Variants in NXN observed in about 807,000 individuals in gnomAD.
NXN encodes the protein nucleoredoxin, also known as nucleoredoxin 1.
Under a neutral mutation model 48.6 loss-of-function variants are expected in NXN, and 16 were observed. That is an observed-to-expected ratio of 0.33 (90% confidence interval 0.22 to 0.50). NXN has a LOEUF of 0.50. NXN is among the 20% of genes least tolerant of loss of function. The probability of loss-of-function intolerance (pLI) is 0.98; values close to 1 mark genes in which losing one functional copy is unlikely to be tolerated. For synonymous variants in NXN, 281 were observed against 269.6 expected (o/e 1.04, Z -0.41); for missense variants, 492 against 605.5 (o/e 0.81, Z 1.97).
At chr17:949,733 C>G (rs1048608826) in intron 1 of NXN, among the ~76,000 whole-genome samples, 1 of 148,390 alleles carries the variant, frequency 6.7e-6, no homozygotes, top group Admixed American at 6.8e-5. Flanking sequence ...CTCCTCTCCC[C>G]GCGGGCCTCC....
chr17:813,379 G>A (rs1377656696), intron 5 of NXN, among the ~76,000 whole-genome samples: 2 of 152,252 alleles, frequency 1.3e-5, no homozygotes, highest in Non-Finnish European at 2.9e-5. Context: ...GGGCTCTGAA[G>A]GAGAAACGGC....
rs1226738307 is a variant in NXN, at chr17:955,156, CTCTT to C, written c.360+24159_360+24162del. 6.5e-3 allele frequency among the ~76,000 whole-genome samples: 971 copies of C among 148,900 alleles called. 9 individuals are homozygous for C. Among genetic ancestry groups the C allele is most frequent in the African/African-American group, 0.022 (878 of 40,126 alleles). ...TTTCCCTCTTTTCCAGCATGCTCATCTCTTTCTTTTTTTTTTTTTTTTTTTTCCT... is the reference window on the plus strand; with the variant it reads ...TTTCCCTCTTTTCCAGCATGCTCATCTCTTTTTTTTTTTTTTTTTTTTCCT... On this transcript the variant is annotated intron_variant, in intron 1 of 7. Coordinates refer to ENST00000336868, the MANE Select transcript of NXN (RefSeq NM_022463.5).
At chr17:901,483 C>A (rs1010570252) in intron 1 of NXN, among the ~76,000 whole-genome samples, 5 of 152,156 alleles carry the variant, frequency 3.3e-5, no homozygotes, top group African/African-American at 1.2e-4. Context: ...CTTCAGCTGC[C>A]CTGACCTCTG....
intron 1 of NXN, among the ~76,000 whole-genome samples, chr17:841,722 A>AC (rs1914333027): frequency 1.3e-5 from 2 of 151,238 alleles, no homozygotes; most frequent in African/African-American, 2.5e-5. Flanking sequence ...GTCCACCCTG[A>AC]CAAAGGAAAG....
At chr17:934,467 A>G (rs1167137544) in intron 1 of NXN, among the ~76,000 whole-genome samples, 1 of 151,338 alleles carries the variant, frequency 6.6e-6, no homozygotes, top group Non-Finnish European at 1.5e-5. Context: ...AAAAAAGTAC[A>G]ATAAGAAGAA....
At chr17:955,668 G>A (rs1381809976) in intron 1 of NXN, among the ~76,000 whole-genome samples, 2 of 149,334 alleles carry the variant, frequency 1.3e-5, no homozygotes, top group Non-Finnish European at 3.0e-5. Flanking sequence ...AGGCCGAGGC[G>A]GGCGGATCAC....
intron 1 of NXN, among the ~76,000 whole-genome samples, chr17:891,072 C>T (rs1808139): frequency 0.85 from 128,576 of 151,936 alleles, 54,581 homozygotes; most frequent in Middle Eastern, 0.89. Context: ...TCCACCCATC[C>T]GTCTGTCCGT....
intron 1 of NXN, among the ~76,000 whole-genome samples, chr17:855,416 T>C (rs1051279480): frequency 6.6e-6 from 1 of 152,212 alleles, no homozygotes; most frequent in Non-Finnish European, 1.5e-5. Flanking sequence ...AGTAAATGTT[T>C]TCCACCCAAT....
chr17:888,772 T>A (rs1322754676), intron 1 of NXN, among the ~76,000 whole-genome samples: 2 of 151,244 alleles, frequency 1.3e-5, no homozygotes, highest in African/African-American at 2.4e-5. Flanking sequence ...CTGACCAACA[T>A]GGAGAAACCC....
At chr17:853,404 C>T (rs879827744) in intron 1 of NXN, among the ~76,000 whole-genome samples, 1 of 151,952 alleles carries the variant, frequency 6.6e-6, no homozygotes, top group Admixed American at 6.5e-5. Context: ...GCCGAGATCA[C>T]GCCACTGCCT....
At chr17:900,026 G>A (rs898742320) in intron 1 of NXN, among the ~76,000 whole-genome samples, 3 of 152,234 alleles carry the variant, frequency 2.0e-5, no homozygotes, top group African/African-American at 4.8e-5. Flanking sequence ...AGCACGTTGG[G>A]AGGCCGAGGC....
intron 1 of NXN, among the ~76,000 whole-genome samples, chr17:945,120 G>C (rs140104225): frequency 0.043 from 6,486 of 152,070 alleles, 161 homozygotes; most frequent in African/African-American, 0.053. Flanking sequence ...CTCGCTCTGT[G>C]GCCCAGGCTG....
chr17:890,999 A>AAATC (rs561975799), intron 1 of NXN, among the ~76,000 whole-genome samples: 22 of 142,834 alleles, frequency 1.5e-4, no homozygotes, highest in African/African-American at 4.8e-4. Flanking sequence ...TTTCCCTTAC[A>AAATC]AATCAATCAA....
chr17:938,641 G>A (rs577098516), intron 1 of NXN, among the ~76,000 whole-genome samples: 7 of 152,156 alleles, frequency 4.6e-5, no homozygotes, highest in East Asian at 3.9e-4. Flanking sequence ...CCGAGATTGC[G>A]CCACTGCACT....
chr17:897,833 G>A (rs917388011), intron 1 of NXN, among the ~76,000 whole-genome samples: 6 of 152,128 alleles, frequency 3.9e-5, no homozygotes, highest in Admixed American at 3.9e-4. Flanking sequence ...CCGCCACCAC[G>A]CATGGCTACT....
At chr17:865,653 T>C (rs2144792257) in intron 1 of NXN, among the ~76,000 whole-genome samples, 1 of 152,294 alleles carries the variant, frequency 6.6e-6, no homozygotes, top group East Asian at 1.9e-4. Context: ...CAATTCCAAT[T>C]CACAGATATG....
rs1476596354 is a variant in NXN at position 919,963 on chromosome 17, C to T, written c.360+59356G>A. Reference sequence around the variant, plus strand: ...CTCTGCCTCAGCCCCCACCGGCACCCTTGGTGCCTTCATCACCCATCCAGA... The same window carrying T: ...CTCTGCCTCAGCCCCCACCGGCACCTTTGGTGCCTTCATCACCCATCCAGA... On this transcript the variant is annotated intron_variant, in intron 1 of 7. Transcript: ENST00000336868. This position sits in a 1 kb window ranked among gnomAD's most constrained non-coding sequence, Gnocchi z 5.1. Among the ~76,000 whole-genome samples the T allele has an allele frequency of 6.6e-6, 1 of 151,582 alleles. No individual in the cohort carries two copies. The highest frequency in any genetic ancestry group is 2.4e-5 in the African/African-American group (1 of 41,386).
At chr17:915,444 C>G (rs1245217720) in intron 1 of NXN, among the ~76,000 whole-genome samples, 4 of 152,056 alleles carry the variant, frequency 2.6e-5, no homozygotes, top group Admixed American at 1.3e-4. Flanking sequence ...CCATCACACC[C>G]AGCTAATTTT....
chr17:870,081 G>A (rs1453874040), intron 1 of NXN, among the ~76,000 whole-genome samples: 1 of 152,062 alleles, frequency 6.6e-6, no homozygotes, highest in East Asian at 1.9e-4. Flanking sequence ...TAGAAGCCAG[G>A]ATGCTGTCCA....
Sources: allele counts gnomAD v4.1 joint callset (sites outside exome capture counted in the v4.1 genomes callset), GRCh38; gene constraint gnomAD v4.1.1; non-coding constraint Gnocchi (gnomAD v3.1); transcripts MANE v1.5; gene names NCBI Gene and HGNC (gene_info 2026-07-23, HGNC 2026-07-21).